Variants in SETBP1 observed in about 807,000 individuals in gnomAD.
The protein encoded by SETBP1 is SET-binding protein.
SETBP1 carries 9 observed loss-of-function variants against 101.0 expected under a neutral mutation model. The ratio of observed to expected loss-of-function variants is 0.09; its 90% confidence interval spans 0.05 to 0.16. The LOEUF (loss-of-function observed/expected upper bound fraction) is 0.16. Ranked by LOEUF, SETBP1 falls within the 10% of genes least tolerant of loss-of-function variation. SETBP1 has a pLI of 1.00. For missense variants in SETBP1, 1,858 were observed against 2,033.8 expected (o/e 0.91, Z 1.66); for synonymous variants, 818 against 788.5 (o/e 1.04, Z -0.63).
At chr18:44,977,376 T>C (rs983614611) in intron 4 of SETBP1, among the ~76,000 whole-genome samples, 2 of 152,162 alleles carry the variant, frequency 1.3e-5, no homozygotes, top group African/African-American at 4.8e-5. Context: ...CCCTGGCCAA[T>C]GTACAATCAA....
intron 3 of SETBP1, among the ~76,000 whole-genome samples, chr18:44,904,726 ACTT>A (rs2070132923): frequency 6.6e-6 from 1 of 152,188 alleles, no homozygotes; most frequent in South Asian, 2.1e-4. Flanking sequence ...AGTAAGCAAT[ACTT>A]CTCCATGCAG....
intron 3 of SETBP1, among the ~76,000 whole-genome samples, chr18:44,883,784 A>C (rs528199241): frequency 6.6e-6 from 1 of 152,228 alleles, no homozygotes; most frequent in Admixed American, 6.5e-5. Flanking sequence ...TTTTTTTTCC[A>C]AAAATTCTCA....
At chr18:44,886,225 G>T (rs1466242323) in intron 3 of SETBP1, among the ~76,000 whole-genome samples, 1 of 152,114 alleles carries the variant, frequency 6.6e-6, no homozygotes, top group Non-Finnish European at 1.5e-5. Flanking sequence ...GCACATGGGA[G>T]GTGCATACTT....
intron 3 of SETBP1, among the ~76,000 whole-genome samples, chr18:44,887,397 G>T (rs552601515): frequency 6.6e-6 from 1 of 152,102 alleles, no homozygotes; most frequent in Non-Finnish European, 1.5e-5. Flanking sequence ...TCTCACTGGG[G>T]AAGTCCCCAG....
intron 2 of SETBP1, among the ~76,000 whole-genome samples, chr18:44,752,774 T>C (rs1440760984): frequency 6.6e-6 from 1 of 152,150 alleles, no homozygotes; most frequent in Non-Finnish European, 1.5e-5. Context: ...CACTGACTGG[T>C]CCATGGGGCC....
chr18:44,776,633 C>G (rs2071010260), intron 2 of SETBP1, among the ~76,000 whole-genome samples: 1 of 152,206 alleles, frequency 6.6e-6, no homozygotes, highest in Non-Finnish European at 1.5e-5. Flanking sequence ...GCCATTTGGG[C>G]TTATCCTTTA....
chr18:44,864,200 G>A (rs2069079943), intron 2 of SETBP1, among the ~76,000 whole-genome samples: 1 of 152,104 alleles, frequency 6.6e-6, no homozygotes, highest in Non-Finnish European at 1.5e-5. Flanking sequence ...CTGTTTGGAG[G>A]GACAGCCTTA....
At chr18:44,946,983 A>G (rs562013598) in intron 3 of SETBP1, among the ~76,000 whole-genome samples, 3 of 152,318 alleles carry the variant, frequency 2.0e-5, no homozygotes, top group Non-Finnish European at 4.4e-5. Context: ...ACAAAATGAA[A>G]TACCTGTCGT....
chr18:44,820,035 G>T (rs1262054637), intron 2 of SETBP1, among the ~76,000 whole-genome samples: 1 of 152,232 alleles, frequency 6.6e-6, no homozygotes, highest in African/African-American at 2.4e-5. Flanking sequence ...TACTAGGCTT[G>T]CCTGTCCTGG....
intron 2 of SETBP1, among the ~76,000 whole-genome samples, chr18:44,738,253 C>G (rs1382178625): frequency 6.6e-6 from 1 of 152,194 alleles, no homozygotes; most frequent in African/African-American, 2.4e-5. Context: ...AGAACGACAT[C>G]TACCCTGTAG....
chr18:45,060,139 A>G (rs1172068433), intron 5 of SETBP1, among the ~76,000 whole-genome samples: 1 of 152,124 alleles, frequency 6.6e-6, no homozygotes, highest in East Asian at 1.9e-4. Context: ...GCATTATTTT[A>G]TGTAACACAG....
intron 4 of SETBP1, among the ~76,000 whole-genome samples, chr18:44,979,811 A>G (rs1599404197): frequency 6.6e-6 from 1 of 152,328 alleles, no homozygotes; most frequent in East Asian, 1.9e-4. Context: ...AACACCATCT[A>G]TTGCACATAT....
intron 4 of SETBP1, among the ~76,000 whole-genome samples, chr18:44,980,406 T>C (rs1187925244): frequency 6.6e-6 from 1 of 151,912 alleles, no homozygotes; most frequent in Non-Finnish European, 1.5e-5. Context: ...TCATAGATCG[T>C]AGAATCTCAA....
intron 4 of SETBP1, among the ~76,000 whole-genome samples, chr18:44,998,596 T>C (rs1278274492): frequency 2.0e-5 from 3 of 152,234 alleles, no homozygotes; most frequent in Non-Finnish European, 4.4e-5. Context: ...GATCTGTAGA[T>C]AGCGCTCTAG....
In SETBP1 at chr18:44,862,908, A is replaced by C. The variant is rs187519017; in HGVS notation, c.487-6322A>C. Among the ~76,000 whole-genome samples the C allele has an allele frequency of 1.2e-4, 18 of 152,184 alleles. No individual in the cohort carries two copies. In the East Asian group the frequency reaches 2.7e-3, roughly 23 times the overall value. On this transcript the variant is annotated intron_variant, in intron 2 of 5. Coordinates refer to ENST00000649279, the MANE Select transcript of SETBP1 (RefSeq NM_015559.3). ...ATGACATTCATTTCATAGGTGGTAA[A>C]ATGAGACCTGCATAGGTAAATGATC... is the stretch of plus-strand genomic sequence containing the variant.
chr18:44,900,742 C>A (rs1402268268), intron 3 of SETBP1, among the ~76,000 whole-genome samples: 2 of 152,120 alleles, frequency 1.3e-5, no homozygotes. Flanking sequence ...TTTTAACCAG[C>A]CCTCCCGGTG....
intron 4 of SETBP1, among the ~76,000 whole-genome samples, chr18:44,970,558 C>CTTTTTTTTTTTTT (rs1050428441): frequency 5.4e-5 from 8 of 147,584 alleles, no homozygotes; most frequent in African/African-American, 2.0e-4. Flanking sequence ...ATGCACAGGC[C>CTTTTTTTTTTTTT]TTTTTTTTTT....
At chr18:44,814,019 G>A (rs1224144031) in intron 2 of SETBP1, among the ~76,000 whole-genome samples, 2 of 152,028 alleles carry the variant, frequency 1.3e-5, no homozygotes, top group Admixed American at 6.5e-5. Flanking sequence ...TAAAGACGAG[G>A]GCCCTTGCCC....
rs143520958 is a variant in SETBP1 at position 44,890,540 on chromosome 18, C to T, written c.540+21257C>T. ...GATGTTTGTATAGATCCTATGGACA[C>T]GATATATCATCAAGTTATTATTAAA... is the stretch of plus-strand genomic sequence containing the variant. On this transcript the variant is annotated intron_variant, in intron 3 of 5. Coordinates refer to ENST00000649279, the MANE Select transcript of SETBP1 (RefSeq NM_015559.3). Among the ~76,000 whole-genome samples the T allele has an allele frequency of 4.6e-5, 7 of 152,068 alleles. No individual in the cohort carries two copies. In the East Asian group the frequency reaches 5.8e-4, roughly 13 times the overall value.
Sources: allele counts gnomAD v4.1 joint callset (sites outside exome capture counted in the v4.1 genomes callset), GRCh38; gene constraint gnomAD v4.1.1; transcripts MANE v1.5; gene names NCBI Gene and HGNC (gene_info 2026-07-23, HGNC 2026-07-21).